The following LIMA1 variants were observed in gnomAD, a reference collection of about 807,000 sequenced individuals.
LIMA1 encodes LIM domain and actin-binding protein 1.
LIMA1 carries 52 observed loss-of-function variants against 62.6 expected under a neutral mutation model. That is an observed-to-expected ratio of 0.83 (90% CI 0.67 to 1.05). LIMA1 has a LOEUF of 1.05. Ranked by LOEUF, LIMA1 falls within the 50% of genes least tolerant of loss-of-function variation. The pLI, the probability that LIMA1 is intolerant of heterozygous loss-of-function variation, is 0.00. For synonymous variants in LIMA1, 302 were observed against 317.8 expected (o/e 0.95, Z 0.53); for missense variants, 780 against 902.2 (o/e 0.86, Z 1.74).
chr12:50,209,045 G>A (rs996001352), intron 4 of LIMA1, among the ~76,000 whole-genome samples: 3 of 146,670 alleles, frequency 2.0e-5, no homozygotes, highest in African/African-American at 7.6e-5. Context: ...TGCCCAGGCT[G>A]GTCTCAAACT....
chr12:50,180,347 C>T (rs1445782621), intron 10 of LIMA1, among the ~76,000 whole-genome samples: 3 of 151,464 alleles, frequency 2.0e-5, no homozygotes, highest in African/African-American at 2.4e-5. Flanking sequence ...TGGTGGTGCC[C>T]GCCTGTAATC....
At chr12:50,260,346 A>T (rs1295411125) in intron 1 of LIMA1, among the ~76,000 whole-genome samples, 1 of 151,990 alleles carries the variant, frequency 6.6e-6, no homozygotes, top group Non-Finnish European at 1.5e-5. Context: ...ACGAGGTTTC[A>T]CCATGTTGGC....
At chr12:50,237,345 A>T (rs1259275465) in intron 2 of LIMA1, among the ~76,000 whole-genome samples, 6 of 152,210 alleles carry the variant, frequency 3.9e-5, no homozygotes, top group Non-Finnish European at 5.9e-5. Context: ...CTGTGTTCTT[A>T]AAAGTGGTTG....
intron 4 of LIMA1, among the ~76,000 whole-genome samples, chr12:50,209,567 C>CAAAAAAAA (rs1203309856): frequency 1.5e-4 from 9 of 61,542 alleles, no homozygotes; most frequent in Non-Finnish European, 1.6e-4. Context: ...GACTCCATCT[C>CAAAAAAAA]AAAAAAAAAA....
At chr12:50,195,329 G>A (rs1241698678) in intron 8 of LIMA1, among the ~76,000 whole-genome samples, 1 of 152,122 alleles carries the variant, frequency 6.6e-6, no homozygotes, top group Non-Finnish European at 1.5e-5. Flanking sequence ...AAAATAGGAT[G>A]ACAGGTGACA....
At chr12:50,200,585 A>G (rs1395939113) in intron 7 of LIMA1, among the ~76,000 whole-genome samples, 192 bp downstream of exon 7, 1 of 152,242 alleles carries the variant, frequency 6.6e-6, no homozygotes, top group African/African-American at 2.4e-5. Context: ...AAGGCTCATT[A>G]TTTGGTCAGC....
chr12:50,232,714 G>A (rs1181835413), intron 2 of LIMA1, among the ~76,000 whole-genome samples: 1 of 152,110 alleles, frequency 6.6e-6, no homozygotes, highest in Non-Finnish European at 1.5e-5. Context: ...TGGGCTGGGT[G>A]AAGTGGCTCA....
chr12:50,210,417 C>CAA (rs1316192240), intron 4 of LIMA1, among the ~76,000 whole-genome samples: 1 of 58,632 alleles, frequency 1.7e-5, no homozygotes, highest in African/African-American at 1.0e-4. Flanking sequence ...GACCCCATTT[C>CAA]CAAAAAAAAA....
At chr12:50,255,009 C>G (rs1243594683) in intron 1 of LIMA1, among the ~76,000 whole-genome samples, 3 of 149,132 alleles carry the variant, frequency 2.0e-5, no homozygotes, top group Non-Finnish European at 4.4e-5. Context: ...GGCAACAGCA[C>G]AAGACTCTGT....
intron 2 of LIMA1, among the ~76,000 whole-genome samples, chr12:50,245,701 C>T (rs958090275): frequency 6.6e-6 from 1 of 151,494 alleles, no homozygotes; most frequent in African/African-American, 2.4e-5. Flanking sequence ...CTACAGCACC[C>T]CCAGTGAGAA....
chr12:50,254,316 G>T (rs1941966709), intron 1 of LIMA1, among the ~76,000 whole-genome samples: 1 of 152,168 alleles, frequency 6.6e-6, no homozygotes, highest in Non-Finnish European at 1.5e-5. Flanking sequence ...GGAACAGTTT[G>T]CTGAGAAGGA....
chr12:50,225,455 T>G (rs755752224), intron 3 of LIMA1, among the ~76,000 whole-genome samples: 28 of 152,226 alleles, frequency 1.8e-4, no homozygotes, highest in Non-Finnish European at 3.4e-4. Flanking sequence ...CTATATGTAT[T>G]TTTTTGTACA....
Position 50,206,004 on chromosome 12 carries a change from T to A in LIMA1, c.695A>T (p.Asp232Val). ...CTTACCTGGGCCTATTTCCAGGTCA[T>A]CTAGAGAATAGCTGTTTTCAGAGAT... The part of the protein sequence containing the change: ...RKISENSYSL[D>V]DLEIGPGQLS... Residue 232 changes from aspartate to valine, a missense_variant, in exon 5 of 11, where the codon GAT becomes GTT. Transcript: ENST00000341247. 1.9e-6 allele frequency: 3 copies of A among 1,612,310 alleles called. No individual in the cohort carries two copies. The South Asian group carries it at 3.3e-5, about 18-fold the overall frequency.
chr12:50,178,352 G>A (rs1263142099), intron 10 of LIMA1, among the ~76,000 whole-genome samples: 4 of 151,996 alleles, frequency 2.6e-5, no homozygotes, highest in African/African-American at 9.7e-5. Flanking sequence ...TTTGAGACCA[G>A]CCCGGCCAAC....
At chr12:50,206,126 G>GTTGAACCTTGC in intron 4 of LIMA1, 58 bp from the exon 5 acceptor site, 1 of 1,329,094 alleles carries the variant, frequency 7.5e-7, no homozygotes, top group Non-Finnish European at 1.1e-6. Context: ...CTTGACGCAA[G>GTTGAACCTTGC]GTTCAACTTG....
At chr12:50,201,352 A>G in intron 6 of LIMA1, 1 of 984,438 alleles carries the variant, frequency 1.0e-6, no homozygotes, top group Non-Finnish European at 1.2e-6. Flanking sequence ...GATGATGTAT[A>G]CATATAAAAA....
intron 8 of LIMA1, among the ~76,000 whole-genome samples, chr12:50,193,499 ATATATGT>A (rs1940829184): frequency 2.2e-5 from 3 of 137,554 alleles, no homozygotes; most frequent in Non-Finnish European, 4.6e-5. Context: ...TATATATATC[ATATATGT>A]GTATATATGA....
Position 50,177,220 on chromosome 12 carries a change from C to T in LIMA1, c.2124G>A (p.Ser708=), listed in dbSNP as rs1335554877. The change falls in exon 11 of 11, where the codon TCG becomes TCA. Residue 708 remains serine (S), a synonymous_variant. Transcript: ENST00000341247. ...CAGCAAAGGTGTTGTCTACAAAACT[C>T]GACCAATTCAGAGACTTGGGTTCTT... ...SPQEPKSLNW[S]SFVDNTFAEE... is the part of the protein sequence containing the mutation. The T allele has an allele frequency of 1.2e-6, 2 of 1,614,124 alleles. No individual in the cohort carries two copies. Among genetic ancestry groups the T allele is most frequent in the African/African-American group, 1.3e-5 (1 of 75,048 alleles).
intron 1 of LIMA1, among the ~76,000 whole-genome samples, chr12:50,270,233 CAAAAAAAA>C (rs60610107): frequency 1.3e-4 from 9 of 68,404 alleles, no homozygotes; most frequent in African/African-American, 3.6e-4. Flanking sequence ...GAAACTCTGT[CAAAAAAAA>C]AAAAAAAAAA....
Sources: gnomAD v4.1 joint callset for allele counts (sites outside exome capture counted in the v4.1 genomes callset) on GRCh38, gnomAD v4.1.1 for gene constraint, MANE v1.5 for transcripts, NCBI Gene and HGNC (gene_info 2026-07-23, HGNC 2026-07-21) for gene names.